IQGAP2: variants seen among roughly 807,000 people sequenced by gnomAD.
IQGAP2 encodes IQ motif containing GTPase activating protein 2.
In IQGAP2, 173 loss-of-function variants were observed where a neutral mutation model predicts 201.3. The ratio of observed to expected loss-of-function variants is 0.86; its 90% confidence interval spans 0.76 to 0.98. IQGAP2 has a LOEUF of 0.98. Among genes scored for constraint, IQGAP2 ranks in the 50% least tolerant of loss-of-function variants. The pLI is 0.00. For synonymous variants in IQGAP2, 675 were observed against 673.9 expected (o/e 1.00, Z -0.03); for missense variants, 1,687 against 1,864.8 (o/e 0.90, Z 1.76).
chr5:76,595,580 G>A (rs948627187), intron 9 of IQGAP2, among the ~76,000 whole-genome samples: 4 of 89,228 alleles, frequency 4.5e-5, no homozygotes, highest in Non-Finnish European at 1.1e-4. Flanking sequence ...GCAACAAAGA[G>A]AGACTCAGTC....
chr5:76,687,583 C>T (rs942406871), intron 30 of IQGAP2, among the ~76,000 whole-genome samples: 5 of 152,182 alleles, frequency 3.3e-5, no homozygotes, highest in African/African-American at 1.2e-4. Context: ...GCAAGTGAAG[C>T]TTCATCCTGT....
chr5:76,411,047 C>G (rs905057702), intron 1 of IQGAP2, among the ~76,000 whole-genome samples: 3 of 152,206 alleles, frequency 2.0e-5, no homozygotes, highest in African/African-American at 7.2e-5. Context: ...AGCGGAGCAT[C>G]TCCTGAGAGC....
At chr5:76,429,914 G>C (rs1177438574) in intron 1 of IQGAP2, among the ~76,000 whole-genome samples, 1 of 149,682 alleles carries the variant, frequency 6.7e-6, no homozygotes, top group Non-Finnish European at 1.5e-5. Context: ...ATTTGTATAG[G>C]ATTTAGGACA....
chr5:76,616,809 A>AG (rs1172842115), intron 13 of IQGAP2: 1 of 152,328 alleles, frequency 6.6e-6, no homozygotes, highest in Non-Finnish European at 1.5e-5. Context: ...AGCTATGATC[A>AG]GGCTACTGCA....
At chr5:76,547,750 A>C (rs1423495153) in intron 2 of IQGAP2, among the ~76,000 whole-genome samples, 2 of 152,206 alleles carry the variant, frequency 1.3e-5, no homozygotes, top group Non-Finnish European at 2.9e-5. Flanking sequence ...GTAAAACTGA[A>C]GGTGCTTTGC....
intron 1 of IQGAP2, among the ~76,000 whole-genome samples, chr5:76,429,582 T>C: frequency 8.3e-6 from 1 of 120,710 alleles, no homozygotes; most frequent in Admixed American, 8.6e-5. Context: ...AAAAAAAAAT[T>C]TATATATATA....
At chr5:76,574,416 G>T (rs1314422102) in intron 4 of IQGAP2, among the ~76,000 whole-genome samples, 4 of 152,162 alleles carry the variant, frequency 2.6e-5, no homozygotes, top group Non-Finnish European at 5.9e-5. Context: ...CAATTCTCCT[G>T]CCTCAGCCTC....
intron 2 of IQGAP2, among the ~76,000 whole-genome samples, chr5:76,525,997 G>T (rs1221080268): frequency 6.6e-6 from 1 of 152,174 alleles, no homozygotes; most frequent in Non-Finnish European, 1.5e-5. Flanking sequence ...AATTGTAGAG[G>T]CTAATGCAAA....
chr5:76,469,840 A>G lies in IQGAP2; in HGVS notation c.146+8171A>G, dbSNP rs1300575568. ...AAGGATTCAGATGAAGTGGAGAGTG[A>G]ATCACTTCTGTTAAGAGGCAAAGGA... is the stretch of plus-strand genomic sequence containing the variant. On this transcript the variant is annotated intron_variant, in intron 2 of 35. Coordinates refer to ENST00000274364, the MANE Select transcript of IQGAP2 (RefSeq NM_006633.5). 2.6e-5 allele frequency among the ~76,000 whole-genome samples: 4 copies of G among 152,202 alleles called. No individual in the cohort carries two copies. The East Asian group carries it at 7.7e-4, about 29-fold the overall frequency.
At chr5:76,517,981 G>T (rs990205988) in intron 2 of IQGAP2, among the ~76,000 whole-genome samples, 1 of 152,096 alleles carries the variant, frequency 6.6e-6, no homozygotes, top group African/African-American at 2.4e-5. Flanking sequence ...TTTGAGACAA[G>T]AGTCTTGCTC....
intron 15 of IQGAP2, among the ~76,000 whole-genome samples, chr5:76,633,876 C>G (rs1002152269): frequency 6.6e-6 from 1 of 152,058 alleles, no homozygotes; most frequent in African/African-American, 2.4e-5. Context: ...TTTTTTGTGG[C>G]TAATATTCCA....
chr5:76,456,407 T>C (rs1754086624), intron 1 of IQGAP2, among the ~76,000 whole-genome samples: 1 of 152,192 alleles, frequency 6.6e-6, no homozygotes, highest in African/African-American at 2.4e-5. Flanking sequence ...GATTAAGCAG[T>C]TGTGAAATAC....
intron 2 of IQGAP2, among the ~76,000 whole-genome samples, chr5:76,480,336 C>T (rs533022674): frequency 4.6e-5 from 7 of 152,294 alleles, no homozygotes; most frequent in African/African-American, 1.2e-4. Flanking sequence ...GCCCTTCTTT[C>T]TCGCAGCCAT....
intron 13 of IQGAP2, among the ~76,000 whole-genome samples, chr5:76,619,029 G>T (rs559998511): frequency 1.8e-4 from 28 of 152,298 alleles, no homozygotes; most frequent in African/African-American, 6.7e-4. Flanking sequence ...GACTAGCAAG[G>T]TTCCTAAAAA....
rs1254796741 is a variant in IQGAP2 at position 76,454,239 on chromosome 5, T to C, written c.47-7331T>C. 2.0e-5 allele frequency among the ~76,000 whole-genome samples: 3 copies of C among 152,264 alleles called. No individual in the cohort carries two copies. The East Asian group carries it at 5.8e-4, about 29-fold the overall frequency. ...CTGTATATGGGCCTTAATGTCTCCA[T>C]GGGCTGCTTTGGGTTTCTAGATAAT... On this transcript the variant is annotated intron_variant, in intron 1 of 35. Transcript: ENST00000274364.
intron 17 of IQGAP2, among the ~76,000 whole-genome samples, chr5:76,644,295 CTTTT>C (rs547155944): frequency 2.5e-4 from 12 of 47,790 alleles, no homozygotes; most frequent in East Asian, 1.9e-3. Flanking sequence ...TTTGTAAATC[CTTTT>C]TTTTTTTTTT....
intron 13 of IQGAP2, among the ~76,000 whole-genome samples, chr5:76,621,602 A>G (rs1472525356): frequency 1.3e-5 from 2 of 152,238 alleles, no homozygotes; most frequent in Non-Finnish European, 2.9e-5. Flanking sequence ...GTCCGTTTTC[A>G]GAAAGTTTCT....
chr5:76,560,842 T>C (rs985592762), intron 2 of IQGAP2, among the ~76,000 whole-genome samples: 2 of 152,208 alleles, frequency 1.3e-5, no homozygotes, highest in African/African-American at 4.8e-5. Context: ...AGACCCTCAG[T>C]CGATGCCTGA....
chr5:76,652,422 A>G (rs1404272655), intron 17 of IQGAP2, among the ~76,000 whole-genome samples: 1 of 144,834 alleles, frequency 6.9e-6, no homozygotes, highest in Non-Finnish European at 1.5e-5. Flanking sequence ...AATACTGTTT[A>G]TGGGTTTTGG....
Sources: allele counts gnomAD v4.1 joint callset (sites outside exome capture counted in the v4.1 genomes callset), GRCh38; gene constraint gnomAD v4.1.1; transcripts MANE v1.5; gene names NCBI Gene and HGNC (gene_info 2026-07-23, HGNC 2026-07-21).